The following SPAG16 variants were observed in gnomAD, a reference collection of about 807,000 sequenced individuals.
SPAG16 encodes the protein sperm-associated antigen 16 protein.
A neutral mutation model predicts 80.4 loss-of-function variants in SPAG16; 86 were observed. The ratio of observed to expected loss-of-function variants is 1.07; its 90% CI spans 0.90 to 1.28. The LOEUF (loss-of-function observed/expected upper bound fraction) is 1.28. SPAG16 is among the 50% of genes most tolerant of loss of function. The pLI is 0.00. For synonymous variants in SPAG16, 294 were observed against 265.9 expected, an observed-to-expected ratio of 1.11 and a Z score of -1.03; for missense variants, 870 against 765.3, an observed-to-expected ratio of 1.14 and a Z score of -1.61.
intron 10 of SPAG16, among the ~76,000 whole-genome samples, chr2:213,830,036 C>A (rs1010842341): frequency 6.6e-6 from 1 of 152,122 alleles, no homozygotes; most frequent in Non-Finnish European, 1.5e-5. Flanking sequence ...TCACACGACC[C>A]CAAGTCCACT....
intron 10 of SPAG16, among the ~76,000 whole-genome samples, chr2:213,648,245 TC>T (rs1405994443): frequency 2.6e-5 from 4 of 152,160 alleles, no homozygotes; most frequent in African/African-American, 7.2e-5. Context: ...TTGAGAATAA[TC>T]TAACTTTGGG....
At chr2:214,117,929 T>C (rs2054021593) in intron 14 of SPAG16, among the ~76,000 whole-genome samples, 1 of 152,166 alleles carries the variant, frequency 6.6e-6, no homozygotes. Context: ...GTTTTTCCTC[T>C]AAAATCTGGA....
chr2:213,476,329 C>A (rs2073384435), intron 9 of SPAG16, among the ~76,000 whole-genome samples: 1 of 152,226 alleles, frequency 6.6e-6, no homozygotes, highest in Admixed American at 6.5e-5. Flanking sequence ...TGGCCAGATA[C>A]CTTCAATTGC....
chr2:214,250,114 C>G (rs545504328), intron 15 of SPAG16: 1 of 152,136 alleles, frequency 6.6e-6, no homozygotes, highest in Non-Finnish European at 1.5e-5. Flanking sequence ...AATTACATAT[C>G]AGTTTCACTC....
intron 13 of SPAG16, among the ~76,000 whole-genome samples, chr2:214,070,328 C>A (rs1183648065): frequency 1.3e-5 from 2 of 151,840 alleles, no homozygotes; most frequent in Non-Finnish European, 2.9e-5. Flanking sequence ...TTATCTTTTT[C>A]TGTAATTCTT....
intron 10 of SPAG16, among the ~76,000 whole-genome samples, chr2:213,822,626 A>T (rs181773325): frequency 2.2e-4 from 33 of 152,216 alleles, no homozygotes; most frequent in Admixed American, 3.9e-4. Context: ...CTTCTAAAAA[A>T]ATGAGATACA....
At chr2:213,345,858 A>C (rs1488964392) in intron 6 of SPAG16, among the ~76,000 whole-genome samples, 1 of 152,216 alleles carries the variant, frequency 6.6e-6, no homozygotes, top group African/African-American at 2.4e-5. Context: ...TGACTTAGCA[A>C]TGCAGGCTCT....
chr2:213,978,514 C>T (rs138481950), intron 12 of SPAG16, among the ~76,000 whole-genome samples: 144 of 152,190 alleles, frequency 9.5e-4, no homozygotes, highest in African/African-American at 3.2e-3. Flanking sequence ...CAAAATGATT[C>T]CACATATTAG....
At chr2:213,578,261 A>G (rs969781050) in intron 10 of SPAG16, among the ~76,000 whole-genome samples, 2 of 152,120 alleles carry the variant, frequency 1.3e-5, no homozygotes, top group South Asian at 2.1e-4. Flanking sequence ...TATAATTTCA[A>G]TATTGATGAT....
intron 10 of SPAG16, among the ~76,000 whole-genome samples, chr2:213,498,981 T>C (rs2074619520): frequency 6.6e-6 from 1 of 152,166 alleles, no homozygotes; most frequent in Non-Finnish European, 1.5e-5. Context: ...ACTGCCATCA[T>C]AGTAGTCTTT....
intron 11 of SPAG16, among the ~76,000 whole-genome samples, chr2:213,865,925 A>C (rs1319857187): frequency 6.9e-6 from 1 of 145,656 alleles, no homozygotes; most frequent in African/African-American, 2.6e-5. Flanking sequence ...AACTTATATT[A>C]TATATATATA....
intron 15 of SPAG16, among the ~76,000 whole-genome samples, chr2:214,379,621 G>GAGAT (rs1474557383): frequency 2.0e-5 from 3 of 152,336 alleles, no homozygotes; most frequent in South Asian, 2.1e-4. Flanking sequence ...ATGTAAATTA[G>GAGAT]AGATAGAGGT....
At chr2:213,483,570 AC>A (rs2073848248) in intron 9 of SPAG16, among the ~76,000 whole-genome samples, 1 of 152,196 alleles carries the variant, frequency 6.6e-6, no homozygotes, top group African/African-American at 2.4e-5. Flanking sequence ...CCTCAGAATC[AC>A]CTAGAAAGCT....
intron 12 of SPAG16, among the ~76,000 whole-genome samples, chr2:213,941,053 C>T (rs1430668167): frequency 6.6e-6 from 1 of 152,142 alleles, no homozygotes; most frequent in Non-Finnish European, 1.5e-5. Flanking sequence ...GGATTAATCT[C>T]ATTAAATTAA....
Position 213,904,621 on chromosome 2 carries a change from A to G in SPAG16, c.1215-25339A>G, listed in dbSNP as rs1238571. ...TTTGCAAAAAAAAAAAAAAAAAAAA[A>G]CAAAGTAGGTAAAGGGCATAGTGTT... On this transcript the variant is annotated intron_variant, in intron 11 of 15. Coordinates refer to ENST00000331683, the MANE Select transcript of SPAG16 (RefSeq NM_024532.5). 3.9e-5 allele frequency among the ~76,000 whole-genome samples: 5 copies of G among 128,360 alleles called. 1 individual carries two copies. The highest frequency in any genetic ancestry group is 1.1e-4 in the African/African-American group (4 of 37,092). 84.2% of individuals were successfully genotyped at this position (128,360 alleles called of 152,430 possible).
chr2:213,718,078 A>G (rs929354040), intron 10 of SPAG16, among the ~76,000 whole-genome samples: 2 of 151,768 alleles, frequency 1.3e-5, no homozygotes, highest in South Asian at 4.2e-4. Context: ...AGAATGGGAG[A>G]AAATTTTTGC....
rs553159129 is a variant in SPAG16, at chr2:214,050,751, C to G, written c.1527+36674C>G. Among the ~76,000 whole-genome samples the G allele has an allele frequency of 5.9e-5, 9 of 152,240 alleles. No homozygotes were observed. The South Asian group carries it at 1.9e-3, about 32-fold the overall frequency. On this transcript the variant is annotated intron_variant, in intron 13 of 15. Transcript: ENST00000331683. ...TTGTGTCCATAGGTTCCCCATCCTC[C>G]CATCTTCTTTTTCTCCCTCTCTGTC...
intron 10 of SPAG16, among the ~76,000 whole-genome samples, chr2:213,661,423 T>C (rs2063422630): frequency 6.6e-6 from 1 of 152,234 alleles, no homozygotes; most frequent in Admixed American, 6.5e-5. Flanking sequence ...CACATTTAAT[T>C]TGATAATCAG....
At chr2:213,631,194 C>A (rs1033855623) in intron 10 of SPAG16, among the ~76,000 whole-genome samples, 2 of 151,814 alleles carry the variant, frequency 1.3e-5, no homozygotes, top group Non-Finnish European at 2.9e-5. Flanking sequence ...AAGAGAAGTA[C>A]CCCCCCAAAA....
Sources: gnomAD v4.1 joint callset for allele counts (sites outside exome capture counted in the v4.1 genomes callset) on GRCh38, gnomAD v4.1.1 for gene constraint, MANE v1.5 for transcripts, NCBI Gene and HGNC (gene_info 2026-07-23, HGNC 2026-07-21) for gene names.